The following USP48 variants were observed in gnomAD, a reference collection of about 807,000 sequenced individuals.
The protein encoded by USP48 is ubiquitin carboxyl-terminal hydrolase 48.
In USP48, 43 loss-of-function variants were observed where a neutral mutation model predicts 150.7. That is an observed-to-expected ratio of 0.29 (90% CI 0.22 to 0.37). USP48 has a LOEUF of 0.37. Ranked by LOEUF, USP48 falls within the 10% of genes least tolerant of loss-of-function variation. The probability of loss-of-function intolerance (pLI) is 1.00; values close to 1 mark genes in which losing one functional copy is unlikely to be tolerated. For synonymous variants in USP48, 396 were observed against 425.9 expected (o/e 0.93, Z 0.86); for missense variants, 813 against 1,249.6 (o/e 0.65, Z 5.27).
intron 8 of USP48, among the ~76,000 whole-genome samples, chr1:21,746,851 C>A (rs760163940): frequency 6.6e-6 from 1 of 152,098 alleles, no homozygotes; most frequent in Admixed American, 6.5e-5. Flanking sequence ...CTGTACATAT[C>A]GATGAACCAC....
In USP48 at chr1:21,782,849, C is replaced by T. The variant is rs754123392; in HGVS notation, c.109G>A (p.Glu37Lys). Residue 37 changes from glutamate to lysine, a missense_variant, in exon 1 of 27, where the codon GAG (glutamate) becomes AAG (lysine). Coordinates refer to ENST00000308271, the MANE Select transcript of USP48 (RefSeq NM_032236.8). ...CTGCACACGCCGCGAATGCAGGGCTCCAGCCAGATGCGGTAAGCGGTCTCG... is the reference window on the plus strand; with the variant it reads ...CTGCACACGCCGCGAATGCAGGGCTTCAGCCAGATGCGGTAAGCGGTCTCG... ...HIETAYRIWLEPCIRGVCRRN... is the reference protein window; with the variant it reads ...HIETAYRIWLKPCIRGVCRRN... 2.6e-6 allele frequency: 4 copies of T among 1,560,294 alleles called. 1 individual carries two copies. The South Asian group carries it at 3.6e-5, about 14-fold the overall frequency.
At chr1:21,695,713 TA>T (rs1027274829) in intron 22 of USP48, among the ~76,000 whole-genome samples, 1 of 152,070 alleles carries the variant, frequency 6.6e-6, no homozygotes, top group East Asian at 1.9e-4. Context: ...GTCTCTTTTA[TA>T]AAAAAGACCT....
At chr1:21,687,370 A>G (rs779479005) in intron 24 of USP48, 131 bp from the exon 25 acceptor site, 47 of 831,032 alleles carry the variant, frequency 5.7e-5, no homozygotes, top group Non-Finnish European at 8.5e-5. Flanking sequence ...ACTCAGTTTC[A>G]GCCACAGCCA....
chr1:21,756,163 T>TA (rs1437336117), intron 3 of USP48, among the ~76,000 whole-genome samples: 26 of 144,936 alleles, frequency 1.8e-4, no homozygotes, highest in East Asian at 1.6e-3. Flanking sequence ...GAAACTGTCT[T>TA]AAAAAAATAA....
chr1:21,758,729 G>A (rs1033294034), intron 1 of USP48, among the ~76,000 whole-genome samples: 29 of 149,912 alleles, frequency 1.9e-4, no homozygotes, highest in African/African-American at 6.1e-4. Flanking sequence ...TGGCCTGGGC[G>A]ACAGAGCAAG....
At chr1:21,688,991 G>A (rs995253479) in intron 24 of USP48, among the ~76,000 whole-genome samples, 1 of 151,886 alleles carries the variant, frequency 6.6e-6, no homozygotes, top group Admixed American at 6.6e-5. Flanking sequence ...TTCCTAGCTT[G>A]GCTGGCTAGT....
At chr1:21,723,675 GAAACAAACCAAAA>G (rs1176225749) in intron 12 of USP48, among the ~76,000 whole-genome samples, 1 of 152,072 alleles carries the variant, frequency 6.6e-6, no homozygotes, top group African/African-American at 2.4e-5. Flanking sequence ...GGGGTTAAAA[GAAACAAACCAAAA>G]AAACAAACCA....
In USP48 at chr1:21,705,774, C is replaced by A; in HGVS notation, c.2337G>T (p.Gly779=). ...TGGAAGCAAATGTAAACATGAGGCC[C>A]CCGTGGGGACACAAAAGAGCACTGT... is the stretch of plus-strand genomic sequence containing the variant. ...VGNSALLCPH[G]GLMFTFASMT... is the part of the protein sequence containing the mutation. Residue 779 remains glycine (G), a synonymous_variant, in exon 19 of 27, where the codon GGG becomes GGT. Transcript: ENST00000308271. 1 of 1,612,552 alleles carries A rather than the reference C, an allele frequency of 6.2e-7. No individual in the cohort carries two copies. The highest frequency in any genetic ancestry group is 8.5e-7 in the Non-Finnish European group (1 of 1,179,514).
At chr1:21,750,331 AC>A (rs1322013896) in intron 6 of USP48, among the ~76,000 whole-genome samples, 6 of 152,176 alleles carry the variant, frequency 3.9e-5, no homozygotes, top group East Asian at 1.9e-4. Context: ...CTTGTTTCTA[AC>A]GGGGCTCACC....
intron 13 of USP48, 38 bp downstream of exon 13, chr1:21,721,610 TTC>T (rs1302599795): frequency 7.6e-7 from 1 of 1,316,234 alleles, no homozygotes. Context: ...TCTTGAAAAC[TTC>T]TTAGTTTATC....
intron 4 of USP48, 151 bp downstream of exon 4, chr1:21,752,841 G>A (rs1473559325): frequency 1.6e-6 from 2 of 1,222,002 alleles, no homozygotes; most frequent in African/African-American, 1.5e-5. Flanking sequence ...AGTATAATGT[G>A]TAAACTATTG....
rs569921088 is a variant in USP48, at chr1:21,708,316, T to A, written c.1964-1448A>T. On this transcript the variant is annotated intron_variant, in intron 15 of 26. Coordinates refer to ENST00000308271, the MANE Select transcript of USP48 (RefSeq NM_032236.8). Reference sequence around the variant, plus strand: ...GAGTTTGAAACCAGCCTGGCCAACATGGCGAAACCCCGTCTCTACTCAAAA... The same window carrying A: ...GAGTTTGAAACCAGCCTGGCCAACAAGGCGAAACCCCGTCTCTACTCAAAA... Among the ~76,000 whole-genome samples the A allele has an allele frequency of 2.2e-4, 33 of 152,120 alleles. No homozygotes were observed. In the East Asian group the frequency reaches 4.3e-3, roughly 20 times the overall value.
intron 8 of USP48, among the ~76,000 whole-genome samples, chr1:21,738,059 T>C (rs1312136391): frequency 1.3e-5 from 2 of 151,936 alleles, no homozygotes; most frequent in Non-Finnish European, 2.9e-5. Context: ...TTTTTATTTA[T>C]TTATTTATTT....
chr1:21,701,346 A>G, intron 22 of USP48, 152 bp downstream of exon 22: 2 of 499,722 alleles, frequency 4.0e-6, no homozygotes, highest in Non-Finnish European at 7.1e-6. Flanking sequence ...AGCACAGGCA[A>G]CAGTGCGAGA....
chr1:21,689,134 A>G (rs2097588912), intron 24 of USP48, among the ~76,000 whole-genome samples: 1 of 151,616 alleles, frequency 6.6e-6, no homozygotes, highest in South Asian at 2.1e-4. Flanking sequence ...AAAACTATGA[A>G]AATCTCAGCA....
intron 11 of USP48, among the ~76,000 whole-genome samples, chr1:21,725,580 C>T (rs1392565061): frequency 6.6e-6 from 1 of 151,872 alleles, no homozygotes; most frequent in Non-Finnish European, 1.5e-5. Context: ...GGAGAAACCC[C>T]GTCTGTACTA....
intron 1 of USP48, among the ~76,000 whole-genome samples, chr1:21,774,701 A>G (rs899184991): frequency 6.6e-5 from 10 of 151,784 alleles, no homozygotes; most frequent in Non-Finnish European, 1.5e-4. Flanking sequence ...AAACAAACGA[A>G]AAAAGAATAG....
chr1:21,765,880 A>C lies in USP48; in HGVS notation c.135-8097T>G, dbSNP rs373157432. ...GATCCCATGGTGCTCCGGCCTGGGC[A>C]ACAAAGTGAGACTCCATCTCCAAAA... On this transcript the variant is annotated intron_variant, in intron 1 of 26. Transcript: ENST00000308271. 2.0e-4 allele frequency among the ~76,000 whole-genome samples: 25 copies of C among 124,292 alleles called. 1 individual carries two copies. In the East Asian group the frequency reaches 5.9e-3, roughly 29 times the overall value. 81.5% of individuals were successfully genotyped at this position (124,292 alleles called of 152,430 possible). A position where few individuals can be genotyped will look rare whatever the true frequency, so the allele number is the denominator to read the frequency against.
intron 23 of USP48, among the ~76,000 whole-genome samples, chr1:21,691,271 G>A (rs976989266): frequency 4.3e-5 from 6 of 139,486 alleles, no homozygotes; most frequent in South Asian, 4.5e-4. Context: ...CTGAGACCAC[G>A]CCATTGCACT....
Sources: gnomAD v4.1 joint callset for allele counts (sites outside exome capture counted in the v4.1 genomes callset) on GRCh38, gnomAD v4.1.1 for gene constraint, MANE v1.5 for transcripts, NCBI Gene and HGNC (gene_info 2026-07-23, HGNC 2026-07-21) for gene names.